The following TUBB8B variants were observed in gnomAD, a reference collection of about 807,000 sequenced individuals.
The protein encoded by TUBB8B is tubulin beta 8B.
In TUBB8B, 26 loss-of-function variants were observed where a neutral mutation model predicts 31.9. The observed-to-expected ratio is 0.81, with a 90% CI of 0.60 to 1.13. The LOEUF is 1.13. TUBB8B is among the 50% of genes most tolerant of loss of function. TUBB8B has a pLI of 0.00. For synonymous variants in TUBB8B, 173 were observed against 231.0 expected, an observed-to-expected ratio of 0.75 and a Z score of 2.28; for missense variants, 467 against 586.7, an observed-to-expected ratio of 0.80 and a Z score of 2.11.
chr18:48,807 C>A, intron 3 of TUBB8B, 133 bp downstream of exon 3: 1 of 747,008 alleles, frequency 1.3e-6, no homozygotes, highest in African/African-American at 1.7e-5. Context: ...GCAGATGAAG[C>A]GACTCGACTC....
At chr18:73,180 G>A in the TUBB8B span, 1 of 152,956 alleles carries the variant, frequency 6.5e-6, no homozygotes. Context: ...CCTTGCGCTA[G>A]GGGTGACTCG....
Position 49,008 on chromosome 18 carries a change from G to C in TUBB8B, c.209C>G (p.Pro70Arg). 1.9e-6 allele frequency: 3 copies of C among 1,609,614 alleles called. No homozygotes were observed. The highest frequency in any genetic ancestry group is 2.7e-5 in the African/African-American group (2 of 74,812). The change falls in exon 3 of 4, where the codon CCG becomes CGG. Residue 70 changes from proline to arginine, a missense_variant. Around this residue, in one of 2 missense-constraint regions of TUBB8B, gnomAD observed 259 missense variants for 380.1 expected, o/e 0.68. Transcript: ENST00000308911. ...CGAGTGCACAGAGTCCATGGTGCCC[G>C]GCTCCAGATCCACGAGCACAGCGCG... is the stretch of plus-strand genomic sequence containing the variant. ...VPRAVLVDLE[P>R]GTMDSVHSGP...
chr18:53,074 T>G (rs1179451225), upstream of TUBB8B, among the ~76,000 whole-genome samples: 5 of 151,794 alleles, frequency 3.3e-5, no homozygotes, highest in Admixed American at 3.3e-4. Context: ...TGGCCATAAA[T>G]ATTCTGCAGT....
chr18:48,675 G>A (rs1037805479), intron 3 of TUBB8B: 21 of 658,638 alleles, frequency 3.2e-5, no homozygotes, highest in African/African-American at 1.4e-4. Context: ...CGCTGCAGGT[G>A]GCTCCTGCCC....
At chr18:63,352 T>A in the TUBB8B span, among the ~76,000 whole-genome samples, 1 of 151,830 alleles carries the variant, frequency 6.6e-6, no homozygotes, top group Non-Finnish European at 1.5e-5. Flanking sequence ...GAGGTACTGC[T>A]GTGGTGGCCT....
chr18:65,439 C>T, the TUBB8B span, among the ~76,000 whole-genome samples: 1 of 152,108 alleles, frequency 6.6e-6, no homozygotes, highest in African/African-American at 2.4e-5. Context: ...GCCATCACTG[C>T]AAATAAACAT....
chr18:58,010 G>A, the TUBB8B span, among the ~76,000 whole-genome samples: 2 of 151,700 alleles, frequency 1.3e-5, no homozygotes, highest in East Asian at 1.9e-4. Context: ...ATGTTCTAAG[G>A]CTACCCAAGG....
upstream of TUBB8B, among the ~76,000 whole-genome samples, chr18:53,507 T>C (rs145958786): frequency 4.5e-3 from 691 of 151,986 alleles, 12 homozygotes; most frequent in African/African-American, 0.016. Context: ...TCTTGCTCTA[T>C]TGCCCAGGCT....
At chr18:69,988 C>A in the TUBB8B span, among the ~76,000 whole-genome samples, 21,225 of 123,098 alleles carry the variant, frequency 0.17, no homozygotes, top group African/African-American at 0.31. Flanking sequence ...GAAACCCAGG[C>A]TCTACTAAAA....
chr18:63,456 G>A, the TUBB8B span, among the ~76,000 whole-genome samples: 1 of 151,254 alleles, frequency 6.6e-6, no homozygotes, highest in Non-Finnish European at 1.5e-5. Flanking sequence ...CTCTCTTTCT[G>A]TGCTAAGCCA....
At chr18:62,866 A>G in the TUBB8B span, among the ~76,000 whole-genome samples, 1 of 151,644 alleles carries the variant, frequency 6.6e-6, no homozygotes, top group Admixed American at 6.6e-5. Flanking sequence ...TTCTTTTCAA[A>G]TAGTCTGACT....
At chr18:73,067 C>T in the TUBB8B span, among the ~76,000 whole-genome samples, 2 of 152,166 alleles carry the variant, frequency 1.3e-5, no homozygotes, top group African/African-American at 4.8e-5. Flanking sequence ...CCCCACCGCC[C>T]GACGGCGTCT....
chr18:63,148 G>C, the TUBB8B span, among the ~76,000 whole-genome samples: 1 of 151,666 alleles, frequency 6.6e-6, no homozygotes, highest in Non-Finnish European at 1.5e-5. Context: ...TATTTAGCTT[G>C]TTTGGTGAGG....
the TUBB8B span, among the ~76,000 whole-genome samples, chr18:71,650 A>C: frequency 1.2e-4 from 18 of 149,820 alleles, 2 homozygotes; most frequent in African/African-American, 3.7e-4. Flanking sequence ...TTGGAAGGCC[A>C]AGGCGGGTGG....
At chr18:55,923 A>G in the TUBB8B span, among the ~76,000 whole-genome samples, 1 of 151,772 alleles carries the variant, frequency 6.6e-6, no homozygotes, top group Non-Finnish European at 1.5e-5. Context: ...AATGCCCTAA[A>G]GAGTTTCCCC....
chr18:66,088 G>A, the TUBB8B span, among the ~76,000 whole-genome samples: 2 of 152,060 alleles, frequency 1.3e-5, no homozygotes, highest in East Asian at 3.9e-4. Context: ...AATTAGCTAG[G>A]TGTGATGGTG....
rs751590346 is a variant in TUBB8B at position 47,846 on chromosome 18, C to T, written c.879G>A (p.Met293Ile). The T allele has an allele frequency of 1.2e-6, 2 of 1,611,454 alleles. No homozygotes were observed. The highest frequency in any genetic ancestry group is 1.7e-6 in the Non-Finnish European group (2 of 1,179,544). The change falls in exon 4 of 4, where the codon ATG becomes ATA. Residue 293 changes from methionine to isoleucine, a missense_variant. This residue lies in a region of TUBB8B where 208 missense variants were observed against 206.7 expected (regional missense o/e 1.01). Coordinates refer to ENST00000308911, the MANE Select transcript of TUBB8B (RefSeq NM_001358689.2). ...CAGCCATCATGTTCTTAGCATCAAA[C>T]ATCTGCTGGGTGAGCTCAGCCACAG... ...ALTVAELTQQMFDAKNMMAAC... is the reference protein window; with the variant it reads ...ALTVAELTQQIFDAKNMMAAC...
chr18:53,099 A>C (rs1357665014), upstream of TUBB8B, among the ~76,000 whole-genome samples: 1 of 151,860 alleles, frequency 6.6e-6, no homozygotes, highest in Admixed American at 6.6e-5. Context: ...ATTTGTGGCC[A>C]GTAAAAAAAT....
chr18:65,359 AT>A, the TUBB8B span, among the ~76,000 whole-genome samples: 1 of 152,144 alleles, frequency 6.6e-6, no homozygotes, highest in Admixed American at 6.6e-5. Context: ...ACTAGCACGT[AT>A]TTTGAGGATT....
Sources: gnomAD v4.1 joint callset for allele counts (sites outside exome capture counted in the v4.1 genomes callset) on GRCh38, gnomAD v4.1.1 for gene constraint, gnomAD v4.1.1 regional missense constraint, MANE v1.5 for transcripts, NCBI Gene and HGNC (gene_info 2026-07-23, HGNC 2026-07-21) for gene names.